Variants in RYR3 observed in about 807,000 individuals in gnomAD.
The protein encoded by RYR3 is ryanodine receptor 3.
A neutral mutation model predicts 584.3 loss-of-function variants in RYR3; 207 were observed. That is an observed-to-expected ratio of 0.35 (90% CI 0.32 to 0.40). The LOEUF is 0.40. RYR3 is among the 10% of genes least tolerant of loss of function. RYR3 has a pLI of 1.00. For synonymous variants in RYR3, 2,416 were observed against 2,248.5 expected (o/e 1.07, Z -2.11); for missense variants, 5,616 against 6,089.2 (o/e 0.92, Z 2.59).
At chr15:33,454,528 C>G (rs555355777) in intron 1 of RYR3, among the ~76,000 whole-genome samples, 21 of 152,112 alleles carry the variant, frequency 1.4e-4, no homozygotes, top group Non-Finnish European at 2.6e-4. Flanking sequence ...ATCCTCGGCA[C>G]GGAGATGAGT....
chr15:33,576,801 C>A (rs2058322988), intron 12 of RYR3, among the ~76,000 whole-genome samples: 1 of 152,152 alleles, frequency 6.6e-6, no homozygotes. Flanking sequence ...AAAGGGTATT[C>A]ACACAGGAAG....
chr15:33,862,008 A>T (rs1378958010), intron 102 of RYR3, among the ~76,000 whole-genome samples: 1 of 152,080 alleles, frequency 6.6e-6, no homozygotes, highest in African/African-American at 2.4e-5. Flanking sequence ...ACGGTAAAGC[A>T]TTCACTGAAT....
In RYR3 at chr15:33,810,661, G is replaced by A. The variant is rs371520925; in HGVS notation, c.10197+12G>A. 1.6e-5 allele frequency: 26 copies of A among 1,613,880 alleles called. No homozygotes were observed. The East Asian group carries it at 2.2e-4, about 14-fold the overall frequency. On this transcript the variant is annotated intron_variant, in intron 71 of 103. Transcript: ENST00000634891. The stretch of plus-strand genomic sequence containing the variant: ...CGCGATACAGCCATGTAAGCTGCCC[G>A]TCTGCCTGGGCTGAGTGTGTGATCC...
intron 52 of RYR3, among the ~76,000 whole-genome samples, chr15:33,743,257 TGG>T (rs2070346631): frequency 6.6e-6 from 1 of 152,174 alleles, no homozygotes; most frequent in Non-Finnish European, 1.5e-5. Flanking sequence ...AGGAGTCTAC[TGG>T]GAGCTGATGA....
At chr15:33,317,140 A>G (rs1968293281) in intron 1 of RYR3, among the ~76,000 whole-genome samples, 1 of 152,136 alleles carries the variant, frequency 6.6e-6, no homozygotes, top group South Asian at 2.1e-4. Flanking sequence ...TTCTTATTGA[A>G]TCCCGTAGCT....
At chr15:33,643,858 G>A (rs900662745) in intron 27 of RYR3, among the ~76,000 whole-genome samples, 2 of 152,118 alleles carry the variant, frequency 1.3e-5, no homozygotes, top group Non-Finnish European at 2.9e-5. Flanking sequence ...ATCTCACATA[G>A]TTACCCATCT....
chr15:33,613,731 A>G (rs541651706), intron 19 of RYR3, among the ~76,000 whole-genome samples: 2 of 152,240 alleles, frequency 1.3e-5, no homozygotes, highest in Non-Finnish European at 2.9e-5. Context: ...GGTTAGCTAT[A>G]ATCTCTATTA....
At chr15:33,717,617 C>T (rs2152802510) in intron 43 of RYR3, among the ~76,000 whole-genome samples, 1 of 152,334 alleles carries the variant, frequency 6.6e-6, no homozygotes, top group East Asian at 1.9e-4. Context: ...CCTCCTTCTA[C>T]TCTCTTATAT....
intron 1 of RYR3, among the ~76,000 whole-genome samples, chr15:33,449,468 G>A (rs1290928065): frequency 2.6e-5 from 4 of 152,210 alleles, no homozygotes; most frequent in African/African-American, 9.7e-5. Flanking sequence ...ACCGGGCAGG[G>A]ATTGCACAAG....
chr15:33,488,523 T>C (rs1193922038), intron 2 of RYR3, among the ~76,000 whole-genome samples: 1 of 149,912 alleles, frequency 6.7e-6, no homozygotes, highest in Admixed American at 6.7e-5. Flanking sequence ...AGAAATAAAA[T>C]GGTATATTGT....
intron 1 of RYR3, among the ~76,000 whole-genome samples, chr15:33,467,026 T>G (rs890735511): frequency 6.7e-5 from 10 of 149,422 alleles, no homozygotes; most frequent in Non-Finnish European, 4.5e-5. Flanking sequence ...AGCCCACTTA[T>G]TTTTCATTTA....
At chr15:33,447,595 C>A (rs894887244) in intron 1 of RYR3, among the ~76,000 whole-genome samples, 2 of 152,256 alleles carry the variant, frequency 1.3e-5, no homozygotes, top group Admixed American at 1.3e-4. Context: ...CAGATAAGAT[C>A]ATCCTTGAAA....
At chr15:33,477,343 A>G in intron 2 of RYR3, among the ~76,000 whole-genome samples, 1 of 152,130 alleles carries the variant, frequency 6.6e-6, no homozygotes, top group Non-Finnish European at 1.5e-5. Flanking sequence ...GAAGCAAAGG[A>G]GTGAGAGGAT....
At chr15:33,594,376 A>G (rs1158507638) in intron 16 of RYR3, among the ~76,000 whole-genome samples, 1 of 152,254 alleles carries the variant, frequency 6.6e-6, no homozygotes, top group Non-Finnish European at 1.5e-5. Context: ...TGGAGAAGTT[A>G]GGTAGAGAGA....
At chr15:33,841,716 G>A (rs529593461) in intron 90 of RYR3, 148 bp from the exon 91 acceptor site, 2 of 690,060 alleles carry the variant, frequency 2.9e-6, no homozygotes, top group South Asian at 2.2e-5. Context: ...CAGCCACTGT[G>A]GATTGATAAA....
chr15:33,553,682 A>T (rs1268471311), intron 10 of RYR3, among the ~76,000 whole-genome samples: 1 of 152,144 alleles, frequency 6.6e-6, no homozygotes, highest in East Asian at 1.9e-4. Flanking sequence ...GAGAGCTAGG[A>T]TGTAGTATTA....
intron 64 of RYR3, among the ~76,000 whole-genome samples, chr15:33,777,519 G>A (rs1483969505): frequency 1.3e-5 from 2 of 152,030 alleles, no homozygotes; most frequent in Non-Finnish European, 2.9e-5. Flanking sequence ...GCTAGGCCAA[G>A]AGAGCTGTTG....
chr15:33,737,851 T>C (rs1267811634), intron 49 of RYR3, among the ~76,000 whole-genome samples: 1 of 152,178 alleles, frequency 6.6e-6, no homozygotes, highest in Non-Finnish European at 1.5e-5. Flanking sequence ...GGATCACACC[T>C]GCTGGGATGG....
chr15:33,757,367 G>A (rs1370037563), intron 59 of RYR3, 108 bp from the exon 60 acceptor site: 3 of 1,231,696 alleles, frequency 2.4e-6, no homozygotes, highest in East Asian at 5.1e-5. Context: ...GAAATTACAG[G>A]ACCAGGGTTC....
Sources: allele counts gnomAD v4.1 joint callset (sites outside exome capture counted in the v4.1 genomes callset), GRCh38; gene constraint gnomAD v4.1.1; transcripts MANE v1.5; gene names NCBI Gene and HGNC (gene_info 2026-07-23, HGNC 2026-07-21).